Variants in CTNND2 observed in about 807,000 individuals in gnomAD.
CTNND2 encodes the protein catenin delta 2, also known as catenin delta-2.
Under a neutral mutation model 144.4 loss-of-function variants are expected in CTNND2, and 22 were observed. That is an observed-to-expected ratio of 0.15 (90% CI 0.11 to 0.22). The LOEUF (loss-of-function observed/expected upper bound fraction) is 0.22. CTNND2 is among the 10% of genes least tolerant of loss of function. CTNND2 has a pLI of 1.00. For synonymous variants in CTNND2, 751 were observed against 695.6 expected, an observed-to-expected ratio of 1.08 and a Z score of -1.25; for missense variants, 1,353 against 1,618.8, an observed-to-expected ratio of 0.84 and a Z score of 2.82.
At chr5:11,857,300 C>T (rs886086604) in intron 1 of CTNND2, among the ~76,000 whole-genome samples, 1 of 151,994 alleles carries the variant, frequency 6.6e-6, no homozygotes, top group African/African-American at 2.4e-5. Context: ...AAAGCTCTGG[C>T]AGGGGGAATG....
At chr5:10,993,840 A>C (rs1260216254) in intron 18 of CTNND2, among the ~76,000 whole-genome samples, 19 of 152,150 alleles carry the variant, frequency 1.2e-4, no homozygotes, top group Non-Finnish European at 2.8e-4. Context: ...CATGGAAATG[A>C]GTATGCATTT....
At chr5:11,294,441 A>G (rs960715903) in intron 9 of CTNND2, among the ~76,000 whole-genome samples, 1 of 152,156 alleles carries the variant, frequency 6.6e-6, no homozygotes, top group African/African-American at 2.4e-5. Context: ...TTTTCTTGAA[A>G]AGGGAAAAAG....
At chr5:11,702,042 C>G (rs1320077864) in intron 2 of CTNND2, among the ~76,000 whole-genome samples, 1 of 152,170 alleles carries the variant, frequency 6.6e-6, no homozygotes, top group Middle Eastern at 3.2e-3. Flanking sequence ...CTTCCTCATG[C>G]CTCAACCATC....
At chr5:11,821,663 G>C (rs1793320522) in intron 1 of CTNND2, among the ~76,000 whole-genome samples, 1 of 152,100 alleles carries the variant, frequency 6.6e-6, no homozygotes, top group Non-Finnish European at 1.5e-5. Flanking sequence ...GCATCTGGCA[G>C]GCCATGTTCC....
At chr5:11,558,275 C>T (rs1424006184) in intron 3 of CTNND2, among the ~76,000 whole-genome samples, 1 of 151,958 alleles carries the variant, frequency 6.6e-6, no homozygotes, top group Non-Finnish European at 1.5e-5. Context: ...AGAAAGGGCT[C>T]ACAGTCAAGG....
At chr5:11,693,657 T>C (rs1785008397) in intron 2 of CTNND2, among the ~76,000 whole-genome samples, 1 of 152,218 alleles carries the variant, frequency 6.6e-6, no homozygotes. Context: ...ATGCCTGTCA[T>C]ACAGAAATGC....
At chr5:11,134,553 A>G (rs1355200506) in intron 12 of CTNND2, among the ~76,000 whole-genome samples, 2 of 152,246 alleles carry the variant, frequency 1.3e-5, no homozygotes, top group Admixed American at 6.5e-5. Context: ...GAAACCCACC[A>G]TAGTAATTTT....
chr5:11,759,423 A>G (rs992784419), intron 1 of CTNND2, among the ~76,000 whole-genome samples: 2 of 152,142 alleles, frequency 1.3e-5, no homozygotes, highest in African/African-American at 4.8e-5. Context: ...ATACATAAAT[A>G]TAAATCAATA....
intron 16 of CTNND2, among the ~76,000 whole-genome samples, chr5:11,034,410 A>T (rs903380003): frequency 1.3e-5 from 2 of 152,192 alleles, no homozygotes; most frequent in African/African-American, 4.8e-5. Context: ...TCTGTTACTG[A>T]GTTACTCCAC....
chr5:11,442,613 C>T (rs1041852926), intron 3 of CTNND2, among the ~76,000 whole-genome samples: 1 of 151,742 alleles, frequency 6.6e-6, no homozygotes, highest in African/African-American at 2.4e-5. Flanking sequence ...TTTCGCAGTG[C>T]TCCAAGGGTG....
chr5:11,858,263 T>C (rs1426579303), intron 1 of CTNND2, among the ~76,000 whole-genome samples: 1 of 152,232 alleles, frequency 6.6e-6, no homozygotes, highest in Non-Finnish European at 1.5e-5. Flanking sequence ...GTGGCAAAGT[T>C]GGTTTTATAT....
At chr5:11,196,399 T>C (rs1344829199) in intron 11 of CTNND2, among the ~76,000 whole-genome samples, 2 of 152,128 alleles carry the variant, frequency 1.3e-5, no homozygotes, top group South Asian at 2.1e-4. Context: ...CATGAGATAA[T>C]AGGTAGGAAA....
Position 11,490,632 on chromosome 5 carries a change from GCA to G in CTNND2, c.287+74310_287+74311del, listed in dbSNP as rs143185826. Among the ~76,000 whole-genome samples, 11 of 151,386 alleles carry G rather than the reference GCA, an allele frequency of 7.3e-5. No homozygotes were observed. The East Asian group carries it at 1.9e-3, about 27-fold the overall frequency. ...CACCTGTACAGACACATGCACACAT[GCA>G]CACACACACACAGAAACACACTATG... On this transcript the variant is annotated intron_variant, in intron 3 of 21. Transcript: ENST00000304623.
intron 9 of CTNND2, among the ~76,000 whole-genome samples, chr5:11,239,718 C>G (rs980402640): frequency 1.3e-5 from 2 of 152,206 alleles, no homozygotes; most frequent in African/African-American, 4.8e-5. Flanking sequence ...TGCCTCTGCT[C>G]CTGTCCTCCT....
At chr5:11,492,349 G>T (rs1191220461) in intron 3 of CTNND2, among the ~76,000 whole-genome samples, 5 of 152,208 alleles carry the variant, frequency 3.3e-5, no homozygotes, top group African/African-American at 1.2e-4. Flanking sequence ...TTGGTACAAG[G>T]AAGGTTTTAT....
chr5:11,654,301 T>C (rs1341028865), intron 2 of CTNND2, among the ~76,000 whole-genome samples: 1 of 152,082 alleles, frequency 6.6e-6, no homozygotes, highest in African/African-American at 2.4e-5. Flanking sequence ...TTACAGTCAT[T>C]CAACCTGTAG....
intron 1 of CTNND2, among the ~76,000 whole-genome samples, chr5:11,789,542 G>A (rs917651506): frequency 6.6e-6 from 1 of 151,994 alleles, no homozygotes; most frequent in African/African-American, 2.4e-5. Flanking sequence ...ATTTATGGCT[G>A]GTATAGAGGA....
chr5:11,457,185 T>C (rs1765802226), intron 3 of CTNND2, among the ~76,000 whole-genome samples: 1 of 152,092 alleles, frequency 6.6e-6, no homozygotes, highest in South Asian at 2.1e-4. Context: ...GAAGACTGCT[T>C]GAGTCCAGGA....
chr5:11,448,002 A>G (rs1178357826), intron 3 of CTNND2, among the ~76,000 whole-genome samples: 1 of 152,200 alleles, frequency 6.6e-6, no homozygotes, highest in Admixed American at 6.5e-5. Context: ...CGGAGTTGAA[A>G]CTGGCCCCTA....
Sources: allele counts gnomAD v4.1 joint callset (sites outside exome capture counted in the v4.1 genomes callset), GRCh38; gene constraint gnomAD v4.1.1; transcripts MANE v1.5; gene names NCBI Gene and HGNC (gene_info 2026-07-23, HGNC 2026-07-21).